Variants in MAN1A1 observed in about 807,000 individuals in gnomAD.
MAN1A1 encodes the protein mannosyl-oligosaccharide 1,2-alpha-mannosidase IA.
In MAN1A1, 29 loss-of-function variants were observed where a neutral mutation model predicts 70.8. The observed-to-expected ratio is 0.41, with a 90% CI of 0.31 to 0.56. The LOEUF (loss-of-function observed/expected upper bound fraction) is 0.56. Among genes scored for constraint, MAN1A1 ranks in the 20% least tolerant of loss-of-function variants. The pLI is 0.29. For missense variants in MAN1A1, 747 were observed against 841.3 expected (o/e 0.89, Z 1.39); for synonymous variants, 349 against 330.1 (o/e 1.06, Z -0.62).
intron 5 of MAN1A1, among the ~76,000 whole-genome samples, chr6:119,259,240 C>A (rs1431859026): frequency 6.6e-6 from 1 of 152,124 alleles, no homozygotes; most frequent in Non-Finnish European, 1.5e-5. Flanking sequence ...TAAACAGTTA[C>A]CTGCACAAGG....
At chr6:119,253,120 C>T (rs371668466) in intron 5 of MAN1A1, among the ~76,000 whole-genome samples, 1 of 152,092 alleles carries the variant, frequency 6.6e-6, no homozygotes, top group South Asian at 2.1e-4. Flanking sequence ...TTGTGATGTG[C>T]GACAAAAAGT....
rs150237439 is a variant in MAN1A1, at chr6:119,254,236, G to A, written c.898-5882C>T. 5.3e-3 allele frequency among the ~76,000 whole-genome samples: 806 copies of A among 152,312 alleles called. 3 individuals carry two copies. Among genetic ancestry groups the A allele is most frequent in the African/African-American group, 0.018 (757 of 41,582 alleles). On this transcript the variant is annotated intron_variant, in intron 5 of 12. Transcript: ENST00000368468. ...AAAGTACACTAAATGGCACTTTAGT[G>A]CTACTTCAAATGGGGATAGGCATGA...
intron 5 of MAN1A1, among the ~76,000 whole-genome samples, chr6:119,262,829 G>A (rs11755686): frequency 0.75 from 113,442 of 152,120 alleles, 42,609 homozygotes; most frequent in Non-Finnish European, 0.8. Context: ...GGTTAATACT[G>A]AGTGTCAACT....
intron 2 of MAN1A1, among the ~76,000 whole-genome samples, chr6:119,337,089 C>T (rs195080): frequency 0.69 from 104,713 of 151,998 alleles, 36,427 homozygotes; most frequent in African/African-American, 0.74. Context: ...GGTCAAAAGA[C>T]TTTTTTTTGT....
upstream of MAN1A1, among the ~76,000 whole-genome samples, chr6:119,349,946 G>T (rs1582826317): frequency 6.6e-6 from 1 of 152,042 alleles, no homozygotes; most frequent in African/African-American, 2.4e-5. Context: ...GGCCGGCGGC[G>T]GGGAGGTCGC....
chr6:119,316,045 G>C (rs1772843761), intron 2 of MAN1A1, among the ~76,000 whole-genome samples: 1 of 152,168 alleles, frequency 6.6e-6, no homozygotes, highest in South Asian at 2.1e-4. Flanking sequence ...ACCCCTTGCA[G>C]GCCTGTGGTG....
intron 9 of MAN1A1, among the ~76,000 whole-genome samples, chr6:119,191,698 C>A: frequency 6.6e-6 from 1 of 152,070 alleles, no homozygotes; most frequent in South Asian, 2.1e-4. Context: ...CCAGATAGGG[C>A]CATGATAGCC....
At chr6:119,308,367 T>C (rs1582790974) in intron 2 of MAN1A1, among the ~76,000 whole-genome samples, 1 of 152,176 alleles carries the variant, frequency 6.6e-6, no homozygotes, top group African/African-American at 2.4e-5. Flanking sequence ...GTGTATATGG[T>C]AGTGTTTTCA....
intron 3 of MAN1A1, among the ~76,000 whole-genome samples, chr6:119,304,545 G>A (rs1772478708): frequency 6.6e-6 from 1 of 152,124 alleles, no homozygotes; most frequent in Non-Finnish European, 1.5e-5. Context: ...AATAGTTCTA[G>A]TTTCCTGCTT....
Position 119,338,942 on chromosome 6 carries a change from C to T in MAN1A1, c.603+9521G>A, listed in dbSNP as rs575844745. On this transcript the variant is annotated intron_variant, in intron 2 of 12. Transcript: ENST00000368468. ...CCACAGGAGTCCACGTTCATTGAGCCGGCTTGCCAGATCCATCTCCCCTGG... is the reference window on the plus strand; with the variant it reads ...CCACAGGAGTCCACGTTCATTGAGCTGGCTTGCCAGATCCATCTCCCCTGG... Among the ~76,000 whole-genome samples the T allele has an allele frequency of 1.9e-3, 295 of 152,290 alleles. 1 individual carries two copies. The highest frequency in any genetic ancestry group is 6.2e-3 in the African/African-American group (258 of 41,548).
Position 119,348,642 on chromosome 6 carries a change from GC to G in MAN1A1, c.423del (p.Lys141AsnfsTer62). The G allele has an allele frequency of 6.2e-7, 1 of 1,613,686 alleles. No homozygotes were observed. Among genetic ancestry groups the G allele is most frequent in the Non-Finnish European group, 8.5e-7 (1 of 1,179,844 alleles). ...ALREAKETLQ[K>X]LPEEIQRDIL... ...ATGTCTCTTTGGATCTCCTCGGGCA[GC>G]TTCTGCAGGGTCTCCTTGGCTTCCC... On this transcript the variant is annotated frameshift_variant, in exon 2 of 13. Coordinates refer to ENST00000368468, the MANE Select transcript of MAN1A1 (RefSeq NM_005907.4). LOFTEE classifies it high-confidence loss of function.
At chr6:119,292,417 T>C (rs1035383344) in intron 4 of MAN1A1, among the ~76,000 whole-genome samples, 18 of 151,998 alleles carry the variant, frequency 1.2e-4, no homozygotes, top group African/African-American at 4.1e-4. Context: ...TTAACAAGCA[T>C]TTATTAAGCA....
At chr6:119,286,925 T>G (rs1304922458) in intron 5 of MAN1A1, among the ~76,000 whole-genome samples, 18 of 152,140 alleles carry the variant, frequency 1.2e-4, no homozygotes, top group Non-Finnish European at 2.9e-5. Flanking sequence ...AATCTTATTG[T>G]TGGCTCCTAC....
intron 3 of MAN1A1, among the ~76,000 whole-genome samples, chr6:119,306,023 TAAGA>T (rs1772515558): frequency 1.3e-5 from 2 of 152,220 alleles, no homozygotes. Context: ...TGAGGCTAAA[TAAGA>T]TAATGCATGA....
intron 6 of MAN1A1, among the ~76,000 whole-genome samples, chr6:119,235,141 G>C (rs149994058): frequency 6.6e-6 from 1 of 152,038 alleles, no homozygotes; most frequent in Non-Finnish European, 1.5e-5. Context: ...TACAATATTG[G>C]AATCAGGCCA....
At chr6:119,211,844 AT>A (rs572097707) in intron 6 of MAN1A1, among the ~76,000 whole-genome samples, 35,830 of 141,330 alleles carry the variant, frequency 0.25, 4,779 homozygotes, top group Non-Finnish European at 0.34. Flanking sequence ...AATAGTAGGA[AT>A]TTTTTTTTTT....
At chr6:119,198,739 C>G (rs1306676721) in intron 8 of MAN1A1, among the ~76,000 whole-genome samples, 1 of 152,156 alleles carries the variant, frequency 6.6e-6, no homozygotes, top group Non-Finnish European at 1.5e-5. Context: ...GCTGGATACT[C>G]ATGTCTGCCC....
intron 2 of MAN1A1, among the ~76,000 whole-genome samples, chr6:119,310,617 G>A (rs1267796808): frequency 1.3e-5 from 2 of 152,184 alleles, no homozygotes; most frequent in Non-Finnish European, 2.9e-5. Context: ...ACCTAGGGAA[G>A]TGTAACTGGG....
chr6:119,192,732 T>C (rs1232181547), intron 9 of MAN1A1, among the ~76,000 whole-genome samples: 1 of 152,128 alleles, frequency 6.6e-6, no homozygotes. Context: ...ATAATAATAT[T>C]AAAAGAATAT....
Sources: gnomAD v4.1 joint callset for allele counts (sites outside exome capture counted in the v4.1 genomes callset) on GRCh38, gnomAD v4.1.1 for gene constraint, MANE v1.5 for transcripts, NCBI Gene and HGNC (gene_info 2026-07-23, HGNC 2026-07-21) for gene names.